Variants in BCAS4 observed in about 807,000 individuals in gnomAD.
BCAS4 encodes the protein breast carcinoma amplified sequence 4, also known as breast carcinoma-amplified sequence 4.
A neutral mutation model predicts 15.7 loss-of-function variants in BCAS4; 9 were observed. The observed-to-expected ratio is 0.57, with a 90% confidence interval of 0.34 to 1.00. BCAS4 has a LOEUF of 1.00. Ranked by LOEUF, BCAS4 falls within the 50% of genes least tolerant of loss-of-function variation. The probability of loss-of-function intolerance (pLI) is 0.02; values close to 1 mark genes in which losing one functional copy is unlikely to be tolerated. For synonymous variants in BCAS4, 101 were observed against 99.5 expected (o/e 1.02, Z -0.09); for missense variants, 225 against 239.1 (o/e 0.94, Z 0.39).
intron 1 of BCAS4, among the ~76,000 whole-genome samples, chr20:50,796,049 C>G (rs945598796): frequency 2.6e-5 from 4 of 151,406 alleles, no homozygotes; most frequent in Non-Finnish European, 5.9e-5. Flanking sequence ...GATCATGCCA[C>G]TGCACTCCAG....
chr20:50,800,166 G>A (rs1378132922), intron 1 of BCAS4, among the ~76,000 whole-genome samples: 1 of 152,226 alleles, frequency 6.6e-6, no homozygotes, highest in Non-Finnish European at 1.5e-5. Flanking sequence ...TCAGGAGGGT[G>A]AATAGAAGGT....
chr20:50,881,551 CA>C, downstream of BCAS4: 1 of 151,936 alleles, frequency 6.6e-6, no homozygotes, highest in South Asian at 2.1e-4. Flanking sequence ...ACAGAAAATG[CA>C]AAACATGAAA....
chr20:50,860,675 A>G (rs1054914778), intron 4 of BCAS4, among the ~76,000 whole-genome samples: 4 of 152,156 alleles, frequency 2.6e-5, no homozygotes, highest in African/African-American at 9.7e-5. Context: ...CAGGAGTTCA[A>G]GACCAGCCTG....
chr20:50,813,759 G>A (rs1433910367), intron 1 of BCAS4, among the ~76,000 whole-genome samples: 2 of 144,354 alleles, frequency 1.4e-5, no homozygotes, highest in Non-Finnish European at 3.0e-5. Context: ...TTCCCAGCTG[G>A]GAAGCTTGCA....
intron 3 of BCAS4, among the ~76,000 whole-genome samples, chr20:50,836,288 C>T (rs1363949586): frequency 6.6e-6 from 1 of 152,172 alleles, no homozygotes; most frequent in Non-Finnish European, 1.5e-5. Flanking sequence ...GAGAACCTGA[C>T]ATTGTATGGG....
chr20:50,799,612 G>A lies in BCAS4; in HGVS notation c.90+4439G>A, dbSNP rs575304427. ...CAGAAATCTCAGTCCAGCCAACCCC[G>A]GCCTTAGGGGGCCTGGGCCTCCCTG... On this transcript the variant is annotated intron_variant, in intron 1 of 4. Transcript: ENST00000371608. Among the ~76,000 whole-genome samples the A allele has an allele frequency of 2.0e-5, 3 of 152,300 alleles. No individual in the cohort carries two copies. The East Asian group carries it at 5.8e-4, about 29-fold the overall frequency.
chr20:50,861,137 A>G (rs530227759), intron 4 of BCAS4, among the ~76,000 whole-genome samples: 87 of 152,136 alleles, frequency 5.7e-4, no homozygotes, highest in African/African-American at 2.0e-3. Flanking sequence ...AGGCCAAATG[A>G]AGTCACCTGG....
intron 3 of BCAS4, among the ~76,000 whole-genome samples, chr20:50,838,800 C>T (rs914908295): frequency 1.5e-4 from 23 of 152,094 alleles, no homozygotes; most frequent in Middle Eastern, 3.4e-3. Context: ...GCCAAGATCA[C>T]GCTATTGCAC....
At position 50,838,021 on chromosome 20, in the gene BCAS4, CAT is replaced by C. The variant is rs1491313508; in HGVS notation, c.265-3744_265-3743del. ...ACATACACACACACACACACACACA[CAT>C]GACGTGGCTGATTCAGCCTTTCAGC... On this transcript the variant is annotated intron_variant, in intron 3 of 4. Coordinates refer to ENST00000371608, the MANE Select transcript of BCAS4 (RefSeq NM_198799.4). 4.7e-3 allele frequency among the ~76,000 whole-genome samples: 669 copies of C among 143,136 alleles called. 7 individuals are homozygous for C. The highest frequency in any genetic ancestry group is 4.6e-3 in the East Asian group (22 of 4,788). The allele number at this position is 143,136 out of a possible 152,430, so 93.9% of individuals were successfully genotyped here. A position where few individuals can be genotyped will look rare whatever the true frequency, so the allele number is the denominator to read the frequency against.
intron 3 of BCAS4, among the ~76,000 whole-genome samples, chr20:50,834,433 T>C (rs1174506249): frequency 6.6e-6 from 1 of 151,386 alleles, no homozygotes; most frequent in Non-Finnish European, 1.5e-5. Flanking sequence ...GTAGCTGGGA[T>C]TACAGGAAGG....
chr20:50,860,997 G>GAA (rs200476021), intron 4 of BCAS4, among the ~76,000 whole-genome samples: 4 of 133,808 alleles, frequency 3.0e-5, no homozygotes, highest in Admixed American at 7.6e-5. Context: ...CCGGTCTCTG[G>GAA]AAAAAAAAAA....
intron 1 of BCAS4, among the ~76,000 whole-genome samples, chr20:50,804,336 G>A (rs2087964714): frequency 1.3e-5 from 2 of 152,140 alleles, no homozygotes; most frequent in Non-Finnish European, 1.5e-5. Context: ...ACTGCACCCG[G>A]CCTCATGCTT....
At chr20:50,846,274 G>A (rs1449746238) in intron 4 of BCAS4, among the ~76,000 whole-genome samples, 1 of 151,936 alleles carries the variant, frequency 6.6e-6, no homozygotes. Context: ...CTCTTTTATT[G>A]TAGCTAAGCC....
chr20:50,828,426 T>A (rs939286572), intron 2 of BCAS4, among the ~76,000 whole-genome samples: 2 of 152,016 alleles, frequency 1.3e-5, no homozygotes, highest in African/African-American at 4.8e-5. Flanking sequence ...ACAAGAAGTC[T>A]GATGTACTTA....
At chr20:50,796,636 A>G (rs1176181768) in intron 1 of BCAS4, among the ~76,000 whole-genome samples, 1 of 148,486 alleles carries the variant, frequency 6.7e-6, no homozygotes, top group Non-Finnish European at 1.5e-5. Context: ...CTGGGACTAC[A>G]GGCGTGTGCC....
At chr20:50,840,210 A>G (rs768446117) in intron 3 of BCAS4, among the ~76,000 whole-genome samples, 17 of 152,086 alleles carry the variant, frequency 1.1e-4, no homozygotes, top group Admixed American at 3.3e-4. Flanking sequence ...AATTTTATTT[A>G]TTTTTAAGTT....
intron 4 of BCAS4, among the ~76,000 whole-genome samples, chr20:50,856,736 A>C (rs1045540431): frequency 2.6e-5 from 4 of 152,166 alleles, no homozygotes; most frequent in African/African-American, 9.7e-5. Context: ...CGCTGCTTGC[A>C]GGGCTGCCTG....
intron 1 of BCAS4, among the ~76,000 whole-genome samples, chr20:50,810,110 T>C (rs2088041912): frequency 6.6e-6 from 1 of 151,970 alleles, no homozygotes; most frequent in African/African-American, 2.4e-5. Context: ...TCTTGTCTGA[T>C]TGCTCTGGCT....
chr20:50,797,417 G>A lies in BCAS4; in HGVS notation c.90+2244G>A, dbSNP rs187575201. Among the ~76,000 whole-genome samples the A allele has an allele frequency of 1.4e-3, 216 of 152,216 alleles. 1 individual carries two copies. The highest frequency in any genetic ancestry group is 5.1e-3 in the African/African-American group (211 of 41,548). On this transcript the variant is annotated intron_variant, in intron 1 of 4. Transcript: ENST00000371608. Reference sequence around the variant, plus strand: ...AATTTAAAAAAATAGCATGGAGGCAGGGTACAGTGGCTTATGCCTGTAATT... The same window carrying A: ...AATTTAAAAAAATAGCATGGAGGCAAGGTACAGTGGCTTATGCCTGTAATT...
Sources: gnomAD v4.1 joint callset for allele counts (sites outside exome capture counted in the v4.1 genomes callset) on GRCh38, gnomAD v4.1.1 for gene constraint, MANE v1.5 for transcripts, NCBI Gene and HGNC (gene_info 2026-07-23, HGNC 2026-07-21) for gene names.